Variants in ZNF469 observed in about 807,000 individuals in gnomAD.
ZNF469 encodes the protein zinc finger protein 469.
Under a neutral mutation model 1.0 loss-of-function variants are expected in ZNF469, and 1 was observed. The observed-to-expected ratio is 1.00, with a 90% CI of 0.35 to 4.73. ZNF469 has a LOEUF of 4.73. Ranked by LOEUF, ZNF469 falls within the 30% of genes most tolerant of loss-of-function variation. ZNF469 has a pLI of 0.16. For synonymous variants in ZNF469, 2,703 were observed against 2,363.4 expected (o/e 1.14, Z -4.17); for missense variants, 6,100 against 5,356.3 (o/e 1.14, Z -4.33).
the ZNF469 span, among the ~76,000 whole-genome samples, chr16:88,348,089 T>A: frequency 6.6e-6 from 1 of 152,200 alleles, no homozygotes; most frequent in Non-Finnish European, 1.5e-5. Context: ...GGAGCCTGAG[T>A]CTTCTGGGCT....
the ZNF469 span, among the ~76,000 whole-genome samples, chr16:88,355,133 C>T: frequency 2.0e-5 from 3 of 152,160 alleles, no homozygotes; most frequent in Admixed American, 6.5e-5. Context: ...GGCACCTGCC[C>T]AGCTGCAGAC....
At chr16:88,253,384 C>A in the ZNF469 span, among the ~76,000 whole-genome samples, 3 of 151,932 alleles carry the variant, frequency 2.0e-5, no homozygotes, top group Admixed American at 2.0e-4. Context: ...CCTTTTAGCT[C>A]TTTTAGTGAG....
At chr16:88,207,642 A>G in the ZNF469 span, among the ~76,000 whole-genome samples, 48 of 151,244 alleles carry the variant, frequency 3.2e-4, no homozygotes, top group Non-Finnish European at 4.4e-4. Flanking sequence ...GACATAACCA[A>G]GGTGTCGACG....
At chr16:88,130,459 G>A in the ZNF469 span, among the ~76,000 whole-genome samples, 1 of 152,100 alleles carries the variant, frequency 6.6e-6, no homozygotes, top group Non-Finnish European at 1.5e-5. Flanking sequence ...AGGTTACAAA[G>A]GGAGTGGAGG....
the ZNF469 span, among the ~76,000 whole-genome samples, chr16:88,239,999 T>C: frequency 4.5e-4 from 67 of 150,196 alleles, no homozygotes; most frequent in African/African-American, 1.6e-3. Flanking sequence ...CCAGGCCCCA[T>C]TGGCGGTGGA....
At chr16:88,276,461 G>A in the ZNF469 span, 1 of 152,206 alleles carries the variant, frequency 6.6e-6, no homozygotes, top group African/African-American at 2.4e-5. Context: ...AAATGTCTGT[G>A]TGTGATTTGC....
chr16:88,244,352 AATGGGTGGATGGATGG>A, the ZNF469 span, among the ~76,000 whole-genome samples: 1 of 103,148 alleles, frequency 9.7e-6, no homozygotes, highest in Non-Finnish European at 2.0e-5. Flanking sequence ...TGGATGGGTG[AATGGGTGGATGGATGG>A]ATGGGTGGAT....
At chr16:88,256,880 C>CTT in the ZNF469 span, among the ~76,000 whole-genome samples, 1 of 137,852 alleles carries the variant, frequency 7.3e-6, no homozygotes, top group African/African-American at 2.8e-5. Flanking sequence ...TCTTTCTTTT[C>CTT]TTTTCTTTTC....
At chr16:88,111,508 T>C in the ZNF469 span, among the ~76,000 whole-genome samples, 1 of 40,302 alleles carries the variant, frequency 2.5e-5, no homozygotes, top group Non-Finnish European at 6.2e-5. Flanking sequence ...TCTGTCTTTT[T>C]GTACCCATTA....
At chr16:88,116,683 C>T in the ZNF469 span, among the ~76,000 whole-genome samples, 1 of 152,218 alleles carries the variant, frequency 6.6e-6, no homozygotes, top group African/African-American at 2.4e-5. Context: ...CAACTTGGAC[C>T]ATCTCCAGAG....
At position 88,396,462 on chromosome 16, in the gene ZNF469, C is replaced by G. The variant is rs113377065; in HGVS notation, c.-192+13208C>G. Among the ~76,000 whole-genome samples, 295 of 115,244 alleles carry G rather than the reference C, an allele frequency of 2.6e-3. 1 individual carries two copies. The highest frequency in any genetic ancestry group is 9.6e-3 in the African/African-American group (281 of 29,188). 75.6% of individuals were successfully genotyped at this position (115,244 alleles called of 152,430 possible). A position where few individuals can be genotyped will look rare whatever the true frequency, so the allele number is the denominator to read the frequency against. On this transcript the variant is annotated intron_variant, in intron 1 of 2. Transcript: ENST00000565624. ...GAGACCCTTATGAAGGGAGGCCGGGCGGAGACCCTCCTGAAGGGAGGCCGG... is the reference window on the plus strand; with the variant it reads ...GAGACCCTTATGAAGGGAGGCCGGGGGGAGACCCTCCTGAAGGGAGGCCGG...
Position 88,433,999 on chromosome 16 carries a change from G to C in ZNF469, c.6529G>C (p.Glu2177Gln), listed in dbSNP as rs1016023415. The change falls in exon 3 of 3, where the codon GAG (glutamate) becomes CAG (glutamine). Residue 2177 changes from glutamate to glutamine, a missense_variant. Physicochemically the swap from Glu to Gln is conservative, Grantham distance 29. Coordinates refer to ENST00000565624, the MANE Select transcript of ZNF469 (RefSeq NM_001367624.2). Reference protein sequence around the residue: ...ACSPAWAPLEEADGVQATTDT... With the variant: ...ACSPAWAPLEQADGVQATTDT... Reference sequence around the variant, plus strand: ...TTCTCCTGCCTGGGCACCTCTGGAAGAGGCAGATGGCGTCCAAGCCACGAC... The same window carrying C: ...TTCTCCTGCCTGGGCACCTCTGGAACAGGCAGATGGCGTCCAAGCCACGAC... 6 of 1,550,184 alleles carry C rather than the reference G, an allele frequency of 3.9e-6. No homozygotes were observed. The African/African-American group carries it at 8.2e-5, about 21-fold the overall frequency.
chr16:88,208,131 C>G, the ZNF469 span, among the ~76,000 whole-genome samples: 40 of 151,998 alleles, frequency 2.6e-4, no homozygotes, highest in African/African-American at 9.7e-4. Flanking sequence ...GGGTTATAAT[C>G]CATTGCCATC....
At position 88,434,069 on chromosome 16, in the gene ZNF469, C is replaced by T. The variant is rs1465493306; in HGVS notation, c.6599C>T (p.Thr2200Ile). The T allele has an allele frequency of 3.9e-6, 6 of 1,550,362 alleles. No homozygotes were observed. Among genetic ancestry groups the T allele is most frequent in the Non-Finnish European group, 5.2e-6 (6 of 1,146,944 alleles). Residue 2200 changes from threonine (T) to isoleucine (I), a missense_variant, in exon 3 of 3, where the codon ACA (threonine) becomes ATA (isoleucine). Transcript: ENST00000565624. ...EDSPVAPPSL[T>I]TSPCDPKEAL... ...TCCCCGGTGGCTCCCCCGTCTTTGA[C>T]AACAAGCCCCTGCGATCCCAAGGAA...
chr16:88,202,956 C>T, the ZNF469 span, among the ~76,000 whole-genome samples: 8 of 152,260 alleles, frequency 5.3e-5, no homozygotes, highest in African/African-American at 1.7e-4. Flanking sequence ...TGTCCTTTGC[C>T]GTGACAGTCT....
the ZNF469 span, among the ~76,000 whole-genome samples, chr16:88,234,221 G>T: frequency 6.6e-6 from 1 of 152,174 alleles, no homozygotes; most frequent in Non-Finnish European, 1.5e-5. Context: ...TTCTAGTAAG[G>T]CCCCCATGGA....
the ZNF469 span, among the ~76,000 whole-genome samples, chr16:88,101,771 G>A: frequency 6.6e-6 from 1 of 152,136 alleles, no homozygotes; most frequent in East Asian, 1.9e-4. Flanking sequence ...CTTCGGTGAG[G>A]TGTCTGTTTC....
the ZNF469 span, among the ~76,000 whole-genome samples, chr16:88,127,055 T>C: frequency 2.0e-5 from 3 of 152,228 alleles, no homozygotes; most frequent in Non-Finnish European, 4.4e-5. Flanking sequence ...ACTCCTGACC[T>C]CAGGTGATCC....
chr16:88,279,410 G>A, the ZNF469 span, among the ~76,000 whole-genome samples: 3 of 150,378 alleles, frequency 2.0e-5, no homozygotes, highest in African/African-American at 7.4e-5. Context: ...GGTTAGTGCT[G>A]TGCCACACTG....
Sources: allele counts gnomAD v4.1 joint callset (sites outside exome capture counted in the v4.1 genomes callset), GRCh38; gene constraint gnomAD v4.1.1; transcripts MANE v1.5; gene names NCBI Gene and HGNC (gene_info 2026-07-23, HGNC 2026-07-21).